The following ITPR3 variants were observed in gnomAD, a reference collection of about 807,000 sequenced individuals.
The protein encoded by ITPR3 is inositol 1,4,5-trisphosphate-gated calcium channel ITPR3.
In ITPR3, 173 loss-of-function variants were observed where a neutral mutation model predicts 293.2. That is an observed-to-expected ratio of 0.59 (90% CI 0.52 to 0.67). The LOEUF (loss-of-function observed/expected upper bound fraction) is 0.67, where lower values mean the gene tolerates loss of function less well. Ranked by LOEUF, ITPR3 falls within the 30% of genes least tolerant of loss-of-function variation. ITPR3 has a pLI of 0.00. For missense variants in ITPR3, 2,796 were observed against 3,592.1 expected (o/e 0.78, Z 5.66); for synonymous variants, 1,295 against 1,444.4 (o/e 0.90, Z 2.35).
At chr6:33,668,084 C>A in intron 16 of ITPR3, 120 bp downstream of exon 16, 2 of 1,100,304 alleles carry the variant, frequency 1.8e-6, no homozygotes, top group Non-Finnish European at 2.6e-6. Flanking sequence ...CCCTGAATAG[C>A]ACTGGGTGGC....
At chr6:33,674,880 A>G (rs1414757710) in intron 24 of ITPR3, among the ~76,000 whole-genome samples, 1 of 152,224 alleles carries the variant, frequency 6.6e-6, no homozygotes, top group African/African-American at 2.4e-5. Context: ...TAGTACCACT[A>G]CTTCAAGGCA....
At chr6:33,666,000 C>T (rs778611162) in intron 14 of ITPR3, 24 bp downstream of exon 14, 10 of 1,569,534 alleles carry the variant, frequency 6.4e-6, no homozygotes, top group African/African-American at 2.7e-5. Flanking sequence ...CATGAGGGGA[C>T]GCAGAGGGGC....
chr6:33,634,266 A>C (rs954305104), intron 1 of ITPR3, among the ~76,000 whole-genome samples: 19 of 152,080 alleles, frequency 1.2e-4, no homozygotes, highest in African/African-American at 4.3e-4. Flanking sequence ...GGCTGCGCTC[A>C]ACTTCTGGAG....
In ITPR3 at chr6:33,666,089, C is replaced by T; in HGVS notation, c.1551+113C>T. On this transcript the variant is annotated intron_variant, in intron 14 of 57. Transcript: ENST00000605930. The surrounding 1 kb of genome is among the most constrained non-coding windows in gnomAD (Gnocchi z 5.1). ...AAAAATCAGTATATATGGGGCACGA[C>T]CACGTGCCAGGGACTTCCCTAAGTA... 1 of 1,263,366 alleles carries T rather than the reference C, an allele frequency of 7.9e-7. No homozygotes were observed. 78.3% of individuals were successfully genotyped at this position (1,263,366 alleles called of 1,614,324 possible).
rs1765537937 is a variant in ITPR3 at position 33,696,128 on chromosome 6, C to CTT, written c.*350_*351dup. On this transcript the variant is annotated 3_prime_UTR_variant, in exon 58 of 58. Transcript: ENST00000605930. ...TGGGTAGTTAAGAGTGGGGTCACCC[C>CTT]TTTAACTCCAAGCACTACATTTTGG... The CTT allele has an allele frequency of 3.7e-6, 1 of 271,478 alleles. No individual in the cohort carries two copies. The highest frequency in any genetic ancestry group is 2.2e-5 in the African/African-American group (1 of 46,384). 16.8% of individuals were successfully genotyped at this position (271,478 alleles called of 1,614,324 possible). A position where few individuals can be genotyped will look rare whatever the true frequency, so the allele number is the denominator to read the frequency against.
At position 33,665,068 on chromosome 6, in the gene ITPR3, A is replaced by T. The variant is rs1764576287; in HGVS notation, c.1264A>T (p.Thr422Ser). Reference sequence around the variant, plus strand: ...GTCTCTGCAGCTGGGCACCTGCCCCACCAAGGAGGACAAGGAGGCCTTTGC... The same window carrying T: ...GTCTCTGCAGCTGGGCACCTGCCCCTCCAAGGAGGACAAGGAGGCCTTTGC... ...PIRLMLGTCP[T>S]KEDKEAFAIV... is the part of the protein sequence containing the mutation. The change falls in exon 13 of 58, where the codon ACC becomes TCC. Residue 422 changes from threonine to serine, a missense_variant. Transcript: ENST00000605930. 1 of 1,613,634 alleles carries T rather than the reference A, an allele frequency of 6.2e-7. No individual in the cohort carries two copies.
intron 6 of ITPR3, 150 bp from the exon 7 acceptor site, chr6:33,659,316 C>A: frequency 4.6e-6 from 4 of 872,066 alleles, no homozygotes; most frequent in Non-Finnish European, 7.2e-6. Flanking sequence ...CCCAAGGTAG[C>A]CGGGCTGGGG....
chr6:33,687,993 G>A lies in ITPR3; in HGVS notation c.6265-64G>A. 7.5e-7 allele frequency: 1 copy of A among 1,328,286 alleles called. No individual in the cohort carries two copies. Among genetic ancestry groups the A allele is most frequent in the Non-Finnish European group, 1.1e-6 (1 of 941,418 alleles). The allele number at this position is 1,328,286 out of a possible 1,614,324, so 82.3% of individuals were successfully genotyped here. The stretch of plus-strand genomic sequence containing the variant: ...AGCTAGGCGAAGGCCTGGGAGGGTG[G>A]GGGCTGAGTGCCAGCCTGGATGTGG... On this transcript the variant is annotated intron_variant, in intron 46 of 57. Coordinates refer to ENST00000605930, the MANE Select transcript of ITPR3 (RefSeq NM_002224.4). This position sits in a 1 kb window ranked among gnomAD's most constrained non-coding sequence, Gnocchi z 5.3.
At position 33,667,464 on chromosome 6, in the gene ITPR3, C is replaced by T. The variant is rs1445206864; in HGVS notation, c.1713+174C>T. Among the ~76,000 whole-genome samples, 1 of 152,166 alleles carries T rather than the reference C, an allele frequency of 6.6e-6. No homozygotes were observed. The highest frequency in any genetic ancestry group is 2.4e-5 in the African/African-American group (1 of 41,428). On this transcript the variant is annotated intron_variant, in intron 15 of 57. Transcript: ENST00000605930. The surrounding 1 kb of genome is among the most constrained non-coding windows in gnomAD (Gnocchi z 4.4). ...GGACCTGGCCCGGTGCTCACAAGGG[C>T]CTTGCACTGGGTTAGATGCTCTGCT...
Position 33,658,650 on chromosome 6 carries a change from G to T in ITPR3, c.370-20G>T, listed in dbSNP as rs372579558. 5.0e-6 allele frequency: 8 copies of T among 1,612,480 alleles called. No homozygotes were observed. Among genetic ancestry groups the T allele is most frequent in the Non-Finnish European group, 6.8e-6 (8 of 1,178,890 alleles). On this transcript the variant is annotated intron_variant, in intron 4 of 57. Coordinates refer to ENST00000605930, the MANE Select transcript of ITPR3 (RefSeq NM_002224.4). This position sits in a 1 kb window ranked among gnomAD's most constrained non-coding sequence, Gnocchi z 6.1. ...ACTCCTGTGGCGCGGTGACCTTCCC[G>T]CACCCCACCTGACCCCCAGCTCCTG...
At chr6:33,628,046 C>T (rs1442971739) in intron 1 of ITPR3, among the ~76,000 whole-genome samples, 1 of 152,248 alleles carries the variant, frequency 6.6e-6, no homozygotes, top group African/African-American at 2.4e-5. Flanking sequence ...ACCCCATATC[C>T]CCTCCCTAGC....
chr6:33,693,676 CCT>C lies in ITPR3; in HGVS notation c.7757_7758del (p.Pro2586ArgfsTer28). ...RVKNKTDYTG[P>X]ESYVAQMIKN... is the part of the protein sequence containing the mutation. ...GAAGAACAAGACCGACTACACGGGC[CCT>C]GAGAGCTACGTGGCCCAGATGATCA... On this transcript the variant is annotated frameshift_variant, in exon 56 of 58. Transcript: ENST00000605930. LOFTEE classifies it high-confidence loss of function. 6.2e-7 allele frequency: 1 copy of C among 1,614,166 alleles called. No individual in the cohort carries two copies. The highest frequency in any genetic ancestry group is 1.1e-5 in the South Asian group (1 of 91,086).
At chr6:33,640,665 C>A in intron 2 of ITPR3, 111 bp downstream of exon 2, 1 of 902,604 alleles carries the variant, frequency 1.1e-6, no homozygotes, top group Non-Finnish European at 1.7e-6. Flanking sequence ...AGATGTGGCG[C>A]TGCCCTGCAG....
chr6:33,640,336 A>G (rs1763918887), intron 1 of ITPR3, 148 bp from the exon 2 acceptor site: 1 of 716,656 alleles, frequency 1.4e-6, no homozygotes, highest in South Asian at 2.1e-5. Flanking sequence ...GTGCCAGGAA[A>G]GAATGACTTG....
At chr6:33,669,310 C>G (rs144419158) in intron 18 of ITPR3, among the ~76,000 whole-genome samples, 154 bp downstream of exon 18, 30 of 152,230 alleles carry the variant, frequency 2.0e-4, no homozygotes, top group African/African-American at 7.0e-4. Context: ...TCCCCTGCCA[C>G]GAAGCCTCAT....
intron 1 of ITPR3, among the ~76,000 whole-genome samples, chr6:33,640,105 C>T (rs1186639755): frequency 6.6e-6 from 1 of 152,142 alleles, no homozygotes; most frequent in African/African-American, 2.4e-5. Context: ...TTTTTCTCCT[C>T]CTCTCCTGCC....
rs1763499698 is a variant in ITPR3 at position 33,624,009 on chromosome 6, C to G, written c.89+2318C>G. ...CCACACGACTGCAACCTGTCCCGCG[C>G]TCTCAGTCTCTTTACCTTTGCTCTT... On this transcript the variant is annotated intron_variant, in intron 1 of 57. Transcript: ENST00000605930. The surrounding 1 kb of genome is among the most constrained non-coding windows in gnomAD (Gnocchi z 4.7). Among the ~76,000 whole-genome samples, 1 of 152,244 alleles carries G rather than the reference C, an allele frequency of 6.6e-6. No homozygotes were observed. Among genetic ancestry groups the G allele is most frequent in the Non-Finnish European group, 1.5e-5 (1 of 68,048 alleles).
chr6:33,694,745 T>G, intron 56 of ITPR3, 179 bp from the exon 57 acceptor site: 1 of 723,188 alleles, frequency 1.4e-6, no homozygotes, highest in Non-Finnish European at 2.3e-6. Flanking sequence ...GAGGGTTGAC[T>G]GCCAGCTCAC....
rs1765166201 is a variant in ITPR3, at chr6:33,684,403, T to C, written c.4984T>C (p.Cys1662Arg). 1 of 1,614,090 alleles carries C rather than the reference T, an allele frequency of 6.2e-7. No homozygotes were observed. The highest frequency in any genetic ancestry group is 8.5e-7 in the Non-Finnish European group (1 of 1,179,996). The change falls in exon 37 of 58, where the codon TGC (cysteine) becomes CGC (arginine). Residue 1662 changes from cysteine to arginine, a missense_variant. Transcript: ENST00000605930. This position sits in a 1 kb window ranked among gnomAD's most constrained non-coding sequence, Gnocchi z 4.2. Reference protein sequence around the residue: ...KDLMESEEKLCIKVLRTLQQM... With the variant: ...KDLMESEEKLRIKVLRTLQQM... ...CCTCATGGAGTCGGAGGAGAAGCTG[T>C]GCATCAAGGTGCTGCGGACCCTGCA...
Sources: allele counts gnomAD v4.1 joint callset (sites outside exome capture counted in the v4.1 genomes callset), GRCh38; gene constraint gnomAD v4.1.1; non-coding constraint Gnocchi (gnomAD v3.1); transcripts MANE v1.5; gene names NCBI Gene and HGNC (gene_info 2026-07-23, HGNC 2026-07-21).